Variants in FNIP1 observed in about 807,000 individuals in gnomAD.
The protein encoded by FNIP1 is folliculin interacting protein 1.
In FNIP1, 40 loss-of-function variants were observed where a neutral mutation model predicts 124.5. The ratio of observed to expected loss-of-function variants is 0.32; its 90% confidence interval spans 0.25 to 0.42. The LOEUF is 0.42. Among genes scored for constraint, FNIP1 ranks in the 10% least tolerant of loss-of-function variants. The probability of loss-of-function intolerance (pLI) is 1.00; values close to 1 mark genes in which losing one functional copy is unlikely to be tolerated. For synonymous variants in FNIP1, 472 were observed against 470.6 expected (o/e 1.00, Z -0.04); for missense variants, 1,176 against 1,403.7 (o/e 0.84, Z 2.59).
intron 15 of FNIP1, among the ~76,000 whole-genome samples, chr5:131,660,770 C>A (rs1389808651): frequency 6.6e-6 from 1 of 152,190 alleles, no homozygotes; most frequent in Non-Finnish European, 1.5e-5. Context: ...CTGGGATCAC[C>A]CTTGTGGCTA....
intron 15 of FNIP1, among the ~76,000 whole-genome samples, chr5:131,665,095 A>T (rs1767558760): frequency 6.6e-6 from 1 of 152,096 alleles, no homozygotes; most frequent in Non-Finnish European, 1.5e-5. Context: ...TAACAAGAAG[A>T]TGCAAAGCAC....
chr5:131,742,805 C>G (rs55955246), intron 2 of FNIP1, among the ~76,000 whole-genome samples: 100,122 of 152,046 alleles, frequency 0.66, 34,293 homozygotes, highest in Non-Finnish European at 0.77. Flanking sequence ...ATATAGAACC[C>G]AGGACAAACA....
chr5:131,756,531 G>T (rs1771057400), intron 1 of FNIP1, among the ~76,000 whole-genome samples: 1 of 152,098 alleles, frequency 6.6e-6, no homozygotes, highest in South Asian at 2.1e-4. Context: ...AGAATTTAAA[G>T]GTAATCAGAG....
intron 11 of FNIP1, 74 bp downstream of exon 11, chr5:131,698,843 C>T: frequency 7.8e-7 from 1 of 1,289,312 alleles, no homozygotes; most frequent in African/African-American, 1.5e-5. Flanking sequence ...TTTATTAGAA[C>T]AAGTTAAAGA....
chr5:131,741,546 T>C (rs1326824346), intron 2 of FNIP1, among the ~76,000 whole-genome samples: 1 of 152,232 alleles, frequency 6.6e-6, no homozygotes, highest in Non-Finnish European at 1.5e-5. Context: ...AATGATCTGC[T>C]TATATTAATA....
chr5:131,651,527 T>TC (rs893213502), intron 16 of FNIP1, among the ~76,000 whole-genome samples: 3 of 152,210 alleles, frequency 2.0e-5, no homozygotes, highest in African/African-American at 7.2e-5. Flanking sequence ...TCTCACTGTG[T>TC]CCTCACATGG....
intron 1 of FNIP1, among the ~76,000 whole-genome samples, chr5:131,755,303 T>A (rs1188344825): frequency 1.3e-5 from 2 of 151,768 alleles, no homozygotes; most frequent in Non-Finnish European, 2.9e-5. Flanking sequence ...CGCCTGTAAT[T>A]CTGGCTGCTT....
Position 131,677,784 on chromosome 5 carries a change from T to C in FNIP1, c.1438A>G (p.Ile480Val). 1 of 1,614,154 alleles carries C rather than the reference T, an allele frequency of 6.2e-7. No individual in the cohort carries two copies. Among genetic ancestry groups the C allele is most frequent in the Non-Finnish European group, 8.5e-7 (1 of 1,180,012 alleles). Residue 480 changes from isoleucine (I) to valine (V), a missense_variant, in exon 13 of 18, where the codon ATA (isoleucine) becomes GTA (valine). Transcript: ENST00000510461. The stretch of plus-strand genomic sequence containing the variant: ...TGAGAGGAATGCTTTTCTAAAAATA[T>C]TTTTATAGGTGGTTGTCCATTTGGC... ...VMPNGQPPIK[I>V]FLEKHSSQSV...
intron 8 of FNIP1, 56 bp downstream of exon 8, chr5:131,709,145 A>G: frequency 1.4e-6 from 2 of 1,447,318 alleles, no homozygotes; most frequent in Non-Finnish European, 9.7e-7. Context: ...GATAAAAAAG[A>G]AAATCAATGC....
intron 1 of FNIP1, among the ~76,000 whole-genome samples, chr5:131,779,147 T>TAAAAAAAAAA (rs78900804): frequency 8.1e-6 from 1 of 122,810 alleles, no homozygotes; most frequent in Admixed American, 8.1e-5. Flanking sequence ...AAAGTATAAT[T>TAAAAAAAAAA]AAAAAAAAAA....
rs27450 is a variant in FNIP1, at chr5:131,670,389, A to G, written c.3108+74T>C. 975,019 of 1,326,004 alleles carry G rather than the reference A, an allele frequency of 0.74. 365,802 individuals carry two copies. Among genetic ancestry groups the G allele is most frequent in the Non-Finnish European group, 0.78 (770,376 of 991,508 alleles). 82.1% of individuals were successfully genotyped at this position (1,326,004 alleles called of 1,614,324 possible). On this transcript the variant is annotated intron_variant, in intron 15 of 17. Coordinates refer to ENST00000510461, the MANE Select transcript of FNIP1 (RefSeq NM_133372.3). The stretch of plus-strand genomic sequence containing the variant: ...TGTTGTAAAAAGTATGACCAAAAAT[A>G]TAAGGCAATTTTGGGTTCTGCTGCT...
intron 15 of FNIP1, among the ~76,000 whole-genome samples, chr5:131,657,751 A>AAC (rs1335075082): frequency 6.6e-6 from 1 of 151,014 alleles, no homozygotes; most frequent in East Asian, 1.9e-4. Context: ...AAAAAAAAAA[A>AAC]AAAAAAACGG....
intron 3 of FNIP1, among the ~76,000 whole-genome samples, chr5:131,721,162 A>G (rs898076149): frequency 1.3e-5 from 2 of 152,214 alleles, no homozygotes; most frequent in African/African-American, 4.8e-5. Context: ...AAAAAGAAGA[A>G]AATTCTGCAA....
rs750349398 is a variant in FNIP1 at position 131,710,656 on chromosome 5, A to G, written c.628T>C (p.Ser210Pro). The G allele has an allele frequency of 8.1e-6, 13 of 1,613,738 alleles. No homozygotes were observed. Among genetic ancestry groups the G allele is most frequent in the Non-Finnish European group, 1.1e-5 (13 of 1,179,874 alleles). Residue 210 changes from serine (S) to proline (P), a missense_variant, in exon 7 of 18, where the codon TCA becomes CCA. Ser to Pro is a moderately conservative substitution (Grantham distance 74, BLOSUM62 -1). This residue lies in a region of FNIP1 where 1,109 missense variants were observed against 1,288.5 expected (regional missense o/e 0.86). Coordinates refer to ENST00000510461, the MANE Select transcript of FNIP1 (RefSeq NM_133372.3). ...INGLLGNIGL[S>P]QFCSPRRAFS... ...GCCCGCCTGGGGCTGCAGAACTGTG[A>G]AAGACCTACATGGCAAAAACGTAAA... is the stretch of plus-strand genomic sequence containing the variant.
intron 2 of FNIP1, among the ~76,000 whole-genome samples, chr5:131,741,933 C>T (rs1363284457): frequency 2.6e-5 from 4 of 152,174 alleles, no homozygotes; most frequent in Non-Finnish European, 2.9e-5. Context: ...ACAAACTGTC[C>T]CAAGTAGCCT....
At chr5:131,738,454 T>C (rs922414189) in intron 2 of FNIP1, among the ~76,000 whole-genome samples, 2 of 152,174 alleles carry the variant, frequency 1.3e-5, no homozygotes, top group African/African-American at 2.4e-5. Flanking sequence ...GTCAAATTTG[T>C]CAATCTTTTA....
intron 1 of FNIP1, among the ~76,000 whole-genome samples, chr5:131,747,918 G>C (rs572845221): frequency 6.6e-6 from 1 of 152,236 alleles, no homozygotes; most frequent in Non-Finnish European, 1.5e-5. Flanking sequence ...ACAGGATATA[G>C]AGCACAAGTG....
chr5:131,744,570 T>C lies in FNIP1; in HGVS notation c.213A>G (p.Ser71=), dbSNP rs765526249. 2 of 1,592,328 alleles carry C rather than the reference T, an allele frequency of 1.3e-6. No individual in the cohort carries two copies. The highest frequency in any genetic ancestry group is 2.3e-5 in the South Asian group (2 of 87,360). ...AATCAATAATGATGCTCACCGATAC[T>C]GATATGTCCTCATTTCTTCTCTTAA... The part of the protein sequence containing the change: ...SSVKRRNEDI[S]VSKLGSDAQV... The change falls in exon 2 of 18, where the codon TCA becomes TCG. Residue 71 remains serine, a synonymous_variant. Coordinates refer to ENST00000510461, the MANE Select transcript of FNIP1 (RefSeq NM_133372.3).
chr5:131,739,785 C>G (rs1290868628), intron 2 of FNIP1, among the ~76,000 whole-genome samples: 1 of 144,396 alleles, frequency 6.9e-6, no homozygotes, highest in Non-Finnish European at 1.5e-5. Flanking sequence ...TGCTCTCCAG[C>G]CTGGGTGACA....
Sources: gnomAD v4.1 joint callset for allele counts (sites outside exome capture counted in the v4.1 genomes callset) on GRCh38, gnomAD v4.1.1 for gene constraint, gnomAD v4.1.1 regional missense constraint, MANE v1.5 for transcripts, NCBI Gene and HGNC (gene_info 2026-07-23, HGNC 2026-07-21) for gene names.